RGS7: variants seen among roughly 807,000 people sequenced by gnomAD.
RGS7 encodes the protein regulator of G-protein signaling 7.
RGS7 carries 27 observed loss-of-function variants against 81.1 expected under a neutral mutation model. The observed-to-expected ratio is 0.33, with a 90% CI of 0.25 to 0.46. The LOEUF is 0.46. RGS7 is among the 20% of genes least tolerant of loss of function. The pLI is 1.00. For synonymous variants in RGS7, 208 were observed against 207.7 expected, an observed-to-expected ratio of 1.00 and a Z score of -0.01; for missense variants, 396 against 607.4, an observed-to-expected ratio of 0.65 and a Z score of 3.66.
intron 3 of RGS7, among the ~76,000 whole-genome samples, chr1:241,085,321 G>T (rs1293727342): frequency 6.6e-6 from 1 of 152,148 alleles, no homozygotes; most frequent in Non-Finnish European, 1.5e-5. Context: ...GATAGGCTGG[G>T]GGCAGTGGTG....
At chr1:241,273,182 C>CCTG (rs1553305835) in intron 2 of RGS7, among the ~76,000 whole-genome samples, 2 of 137,540 alleles carry the variant, frequency 1.5e-5, no homozygotes, top group East Asian at 2.4e-4. Context: ...TGAACCCCCC[C>CCTG]CCCCAAAGGA....
In RGS7 at chr1:241,011,501, C is replaced by T. The variant is rs1235677704; in HGVS notation, c.176-28372G>A. ...AATTAAGTTGTCTGCTGGGGGCTCT[C>T]CACAGTGTGGATTGAGGGACCTTTA... On this transcript the variant is annotated intron_variant, in intron 3 of 18. Transcript: ENST00000440928. Among the ~76,000 whole-genome samples, 3 of 152,152 alleles carry T rather than the reference C, an allele frequency of 2.0e-5. No homozygotes were observed. The East Asian group carries it at 5.8e-4, about 29-fold the overall frequency.
At chr1:241,037,859 C>T (rs1198975083) in intron 3 of RGS7, among the ~76,000 whole-genome samples, 1 of 152,046 alleles carries the variant, frequency 6.6e-6, no homozygotes, top group Non-Finnish European at 1.5e-5. Flanking sequence ...AGTGAAGTAA[C>T]TCAAGAATGG....
intron 2 of RGS7, among the ~76,000 whole-genome samples, chr1:241,273,200 C>T (rs1353642032): frequency 1.4e-5 from 2 of 138,798 alleles, no homozygotes; most frequent in African/African-American, 5.2e-5. Flanking sequence ...GGATACACTC[C>T]TTCTTCTCTC....
At chr1:240,933,087 T>C (rs1032185307) in intron 5 of RGS7, among the ~76,000 whole-genome samples, 1 of 150,252 alleles carries the variant, frequency 6.7e-6, no homozygotes, top group Non-Finnish European at 1.5e-5. Flanking sequence ...TTTCACCGTG[T>C]TAGCCAGGAT....
chr1:241,082,968 T>C (rs1019295244), intron 3 of RGS7, among the ~76,000 whole-genome samples: 6 of 152,136 alleles, frequency 3.9e-5, no homozygotes, highest in Admixed American at 2.6e-4. Context: ...CTCATGCCTG[T>C]AATCCCAGCA....
At chr1:241,011,472 T>C (rs995135149) in intron 3 of RGS7, among the ~76,000 whole-genome samples, 1 of 152,116 alleles carries the variant, frequency 6.6e-6, no homozygotes, top group African/African-American at 2.4e-5. Context: ...AAGTAAAAAG[T>C]AAGAATTAAG....
chr1:241,199,698 A>G (rs1284290265), intron 2 of RGS7, among the ~76,000 whole-genome samples: 3 of 151,738 alleles, frequency 2.0e-5, no homozygotes, highest in Non-Finnish European at 2.9e-5. Flanking sequence ...AAAAAAAAAA[A>G]AGAGAAAGGA....
At chr1:241,243,743 T>C (rs1273399173) in intron 2 of RGS7, among the ~76,000 whole-genome samples, 1 of 152,102 alleles carries the variant, frequency 6.6e-6, no homozygotes, top group Non-Finnish European at 1.5e-5. Flanking sequence ...AACACACAAA[T>C]AGAAACGAAG....
chr1:240,835,253 A>C (rs925069994), intron 9 of RGS7, among the ~76,000 whole-genome samples: 1 of 152,258 alleles, frequency 6.6e-6, no homozygotes, highest in Non-Finnish European at 1.5e-5. Context: ...ATAAGAAGAT[A>C]CCACAACCCA....
chr1:241,096,347 T>C (rs138195694), intron 3 of RGS7, among the ~76,000 whole-genome samples: 598 of 152,118 alleles, frequency 3.9e-3, no homozygotes, highest in African/African-American at 0.014. Context: ...TCTAGTAAAG[T>C]GAATGGAGCT....
chr1:241,311,943 T>C (rs1169339504), intron 2 of RGS7, among the ~76,000 whole-genome samples: 1 of 152,242 alleles, frequency 6.6e-6, no homozygotes, highest in Admixed American at 6.5e-5. Context: ...GCTTCTCTCC[T>C]TTTATCAGCA....
At chr1:240,897,218 C>A (rs1346491890) in intron 6 of RGS7, among the ~76,000 whole-genome samples, 1 of 152,176 alleles carries the variant, frequency 6.6e-6, no homozygotes, top group Non-Finnish European at 1.5e-5. Context: ...ACAATCATGT[C>A]ATCTGCAAAT....
At chr1:241,146,079 G>T (rs1558126980) in intron 2 of RGS7, among the ~76,000 whole-genome samples, 2 of 152,088 alleles carry the variant, frequency 1.3e-5, no homozygotes, top group Admixed American at 6.6e-5. Flanking sequence ...GTGGAGAGTG[G>T]GGGTGGCAGA....
At chr1:241,230,289 C>A in intron 2 of RGS7, among the ~76,000 whole-genome samples, 1 of 151,830 alleles carries the variant, frequency 6.6e-6, no homozygotes, top group African/African-American at 2.4e-5. Flanking sequence ...TCTCGGCTCA[C>A]TGAAAACTCC....
intron 3 of RGS7, among the ~76,000 whole-genome samples, chr1:241,039,578 C>T (rs1178324732): frequency 6.7e-5 from 10 of 148,826 alleles, no homozygotes; most frequent in Admixed American, 1.3e-4. Flanking sequence ...TTTTTTTTTT[C>T]CCCCTTGGCA....
chr1:241,100,098 G>A (rs542437193), intron 2 of RGS7, among the ~76,000 whole-genome samples: 9 of 152,014 alleles, frequency 5.9e-5, no homozygotes, highest in Admixed American at 4.6e-4. Context: ...TCCATTGGCC[G>A]GGCGCGGTGG....
chr1:240,920,502 A>G, intron 6 of RGS7: 2 of 879,186 alleles, frequency 2.3e-6, no homozygotes, highest in Non-Finnish European at 3.8e-6. Flanking sequence ...TGGAGGCAGA[A>G]GCTCTGGCCT....
intron 2 of RGS7, among the ~76,000 whole-genome samples, chr1:241,166,684 C>T (rs2070277433): frequency 6.6e-6 from 1 of 152,128 alleles, no homozygotes; most frequent in Non-Finnish European, 1.5e-5. Context: ...AGCTTCAAGC[C>T]CCTGCCAGTC....
Sources: allele counts gnomAD v4.1 joint callset (sites outside exome capture counted in the v4.1 genomes callset), GRCh38; gene constraint gnomAD v4.1.1; transcripts MANE v1.5; gene names NCBI Gene and HGNC (gene_info 2026-07-23, HGNC 2026-07-21).